OGDH: variants seen among roughly 807,000 people sequenced by gnomAD.
OGDH encodes the protein 2-oxoglutarate dehydrogenase complex component E1.
OGDH carries 38 observed loss-of-function variants against 116.6 expected under a neutral mutation model. The ratio of observed to expected loss-of-function variants is 0.33; its 90% CI spans 0.25 to 0.43. OGDH has a LOEUF of 0.43. Among genes scored for constraint, OGDH ranks in the 20% least tolerant of loss-of-function variants. OGDH has a pLI of 1.00. For synonymous variants in OGDH, 488 were observed against 533.3 expected, an observed-to-expected ratio of 0.92 and a Z score of 1.17; for missense variants, 825 against 1,357.2, an observed-to-expected ratio of 0.61 and a Z score of 6.16.
chr7:44,700,613 T>C, intron 19 of OGDH, among the ~76,000 whole-genome samples: 1 of 152,190 alleles, frequency 6.6e-6, no homozygotes, highest in East Asian at 1.9e-4. Context: ...AGGTGAGCCC[T>C]GGCAGAGGCC....
intron 2 of OGDH, among the ~76,000 whole-genome samples, chr7:44,628,707 C>T (rs1427109008): frequency 6.6e-6 from 1 of 152,044 alleles, no homozygotes; most frequent in African/African-American, 2.4e-5. Flanking sequence ...AGCTTGGCCT[C>T]CCAAAGTGCT....
At position 44,673,873 on chromosome 7, in the gene OGDH, C is replaced by G. The variant is rs746503000; in HGVS notation, c.720C>G (p.Thr240=). 8 of 1,614,090 alleles carry G rather than the reference C, an allele frequency of 5.0e-6. No homozygotes were observed. The African/African-American group carries it at 6.7e-5, about 13-fold the overall frequency. ...QCQWIRQKFE[T]PGIMQFTNEE... ...AGTGGATCCGGCAGAAGTTTGAGAC[C>G]CCTGGGATCATGCAGTTCACAAATG... The change falls in exon 6 of 23, where the codon ACC becomes ACG. Residue 240 remains threonine (T), a synonymous_variant. Coordinates refer to ENST00000222673, the MANE Select transcript of OGDH (RefSeq NM_002541.4).
chr7:44,634,090 TG>T (rs1785562315), intron 2 of OGDH, among the ~76,000 whole-genome samples: 1 of 152,234 alleles, frequency 6.6e-6, no homozygotes, highest in Non-Finnish European at 1.5e-5. Context: ...CCAGCTCCCT[TG>T]GAGCTGAGGC....
In OGDH at chr7:44,626,626, G is replaced by A. The variant is rs893094915; in HGVS notation, c.222+2061G>A. On this transcript the variant is annotated intron_variant, in intron 2 of 22. Transcript: ENST00000222673. ...GGTCCTCAGTGATTCATGGGTAAAA[G>A]GTGCACTCTGTGAGCAGTGTGGCCA... Among the ~76,000 whole-genome samples the A allele has an allele frequency of 3.3e-5, 5 of 152,290 alleles. No homozygotes were observed. The South Asian group carries it at 1.0e-3, about 32-fold the overall frequency.
Position 44,656,188 on chromosome 7 carries a change from G to A in OGDH, c.517+8429G>A, listed in dbSNP as rs565076067. 1.5e-5 allele frequency: 12 copies of A among 823,306 alleles called. No homozygotes were observed. The East Asian group carries it at 3.0e-4, about 20-fold the overall frequency. 51.0% of individuals were successfully genotyped at this position (823,306 alleles called of 1,614,324 possible). ...TCCCTTGATGTGTGTGTGTGTCCCT[G>A]TGATGGTGTCTGTGCTACCTGTTAC... On this transcript the variant is annotated intron_variant, in intron 4 of 22. Transcript: ENST00000222673.
At chr7:44,637,419 T>C (rs1050474558) in intron 2 of OGDH, among the ~76,000 whole-genome samples, 5 of 152,380 alleles carry the variant, frequency 3.3e-5, no homozygotes, top group South Asian at 2.1e-4. Context: ...AAGAAGCTCA[T>C]TTTAGTCATC....
chr7:44,626,763 G>T (rs1373734315), intron 2 of OGDH, among the ~76,000 whole-genome samples: 1 of 152,162 alleles, frequency 6.6e-6, no homozygotes, highest in African/African-American at 2.4e-5. Context: ...TGTTTCTGTT[G>T]CTGGGAGTCT....
intron 2 of OGDH, among the ~76,000 whole-genome samples, chr7:44,637,739 TG>T (rs1340546644): frequency 6.8e-6 from 1 of 146,854 alleles, no homozygotes; most frequent in African/African-American, 2.5e-5. Flanking sequence ...GAAACCGGGA[TG>T]GGGGTTGGGG....
chr7:44,685,709 C>G (rs1324892402), intron 10 of OGDH, among the ~76,000 whole-genome samples: 1 of 152,002 alleles, frequency 6.6e-6, no homozygotes, highest in East Asian at 1.9e-4. Context: ...GCCTCCAACT[C>G]CTGGGCTCAT....
chr7:44,707,596 C>A lies in OGDH; in HGVS notation c.2811C>A (p.Pro937=). The A allele has an allele frequency of 6.2e-7, 1 of 1,613,982 alleles. No homozygotes were observed. Among genetic ancestry groups the A allele is most frequent in the Non-Finnish European group, 8.5e-7 (1 of 1,180,034 alleles). Residue 937 remains proline (P), a synonymous_variant, in exon 22 of 23, where the codon CCC becomes CCA. Transcript: ENST00000222673. This position sits in a 1 kb window ranked among gnomAD's most constrained non-coding sequence, Gnocchi z 5.2. Reference sequence around the variant, plus strand: ...CTGTCTCCTAGCTGTCGCCATTCCCCTTTGACCTCCTGCTGAAGGAGGTGC... The same window carrying A: ...CTGTCTCCTAGCTGTCGCCATTCCCATTTGACCTCCTGCTGAAGGAGGTGC... ...ITRIEQLSPF[P]FDLLLKEVQK...
At chr7:44,657,762 G>A (rs1402588213) in intron 4 of OGDH, among the ~76,000 whole-genome samples, 1 of 152,008 alleles carries the variant, frequency 6.6e-6, no homozygotes, top group Non-Finnish European at 1.5e-5. Flanking sequence ...TTATAGTTTT[G>A]TGTTTTACAT....
chr7:44,680,319 G>C (rs1233998923), intron 9 of OGDH, among the ~76,000 whole-genome samples: 1 of 152,092 alleles, frequency 6.6e-6, no homozygotes, highest in East Asian at 1.9e-4. Flanking sequence ...CTAATACAAG[G>C]GTTTTAAAGA....
chr7:44,688,669 A>G (rs1788238039), intron 10 of OGDH, among the ~76,000 whole-genome samples: 1 of 150,768 alleles, frequency 6.6e-6, no homozygotes, highest in Non-Finnish European at 1.5e-5. Flanking sequence ...TGACCTCATG[A>G]TCCGCCAGCC....
chr7:44,645,224 A>C, intron 2 of OGDH, 103 bp from the exon 3 acceptor site: 1 of 1,048,606 alleles, frequency 9.5e-7, no homozygotes, highest in Non-Finnish European at 1.4e-6. Context: ...CAGCCAGCCT[A>C]TGGTAGACTT....
chr7:44,621,058 T>C (rs1284924827), intron 1 of OGDH, among the ~76,000 whole-genome samples: 1 of 152,192 alleles, frequency 6.6e-6, no homozygotes, highest in African/African-American at 2.4e-5. Context: ...CTTCTTTTTG[T>C]ATTTAATATA....
intron 2 of OGDH, among the ~76,000 whole-genome samples, chr7:44,641,209 C>CTTTTTTTTTTTTTTTCT (rs1387862335): frequency 2.8e-5 from 3 of 108,620 alleles, no homozygotes; most frequent in South Asian, 5.9e-4. Flanking sequence ...CCTTTTTCTT[C>CTTTTTTTTTTTTTTTCT]TTTTTTTTTT....
chr7:44,609,212 A>G (rs1784468615), intron 1 of OGDH, among the ~76,000 whole-genome samples: 1 of 151,956 alleles, frequency 6.6e-6, no homozygotes, highest in Non-Finnish European at 1.5e-5. Flanking sequence ...TGTTATGGGT[A>G]GTTCATTCCT....
chr7:44,654,479 AAAAT>A (rs1786597476), intron 4 of OGDH, among the ~76,000 whole-genome samples: 1 of 152,220 alleles, frequency 6.6e-6, no homozygotes, highest in African/African-American at 2.4e-5. Flanking sequence ...ATGGCTGAGA[AAAAT>A]AAGCTAAAAA....
chr7:44,656,915 T>C (rs1207096372), intron 4 of OGDH, among the ~76,000 whole-genome samples: 9 of 152,254 alleles, frequency 5.9e-5, no homozygotes, highest in Non-Finnish European at 1.3e-4. Context: ...AGAGTCGAAA[T>C]GCTGGGGGAT....
Sources: allele counts gnomAD v4.1 joint callset (sites outside exome capture counted in the v4.1 genomes callset), GRCh38; gene constraint gnomAD v4.1.1; non-coding constraint Gnocchi (gnomAD v3.1); transcripts MANE v1.5; gene names NCBI Gene and HGNC (gene_info 2026-07-23, HGNC 2026-07-21).